ITPR1: variants seen among roughly 807,000 people sequenced by gnomAD.
The protein encoded by ITPR1 is inositol 1,4,5-trisphosphate receptor type 1, also known as inositol 1,4,5-trisphosphate-gated calcium channel ITPR1.
Under a neutral mutation model 318.4 loss-of-function variants are expected in ITPR1, and 96 were observed. That is an observed-to-expected ratio of 0.30 (90% CI 0.26 to 0.36). The LOEUF (loss-of-function observed/expected upper bound fraction) is 0.36, where lower values mean the gene tolerates loss of function less well. ITPR1 is among the 10% of genes least tolerant of loss of function. ITPR1 has a pLI of 1.00. For missense variants in ITPR1, 2,440 were observed against 3,460.2 expected (o/e 0.71, Z 7.40); for synonymous variants, 1,312 against 1,289.9 (o/e 1.02, Z -0.37).
At chr3:4,699,980 C>A (rs771029723) in intron 35 of ITPR1, 39 bp downstream of exon 35, 39 of 1,587,904 alleles carry the variant, frequency 2.5e-5, no homozygotes, top group Non-Finnish European at 3.0e-5. Flanking sequence ...GTTCACGATA[C>A]ACCTTCTGCA....
chr3:4,685,179 G>A lies in ITPR1; in HGVS notation c.3675G>A (p.Leu1225=), dbSNP rs1382715608. 6.2e-7 allele frequency: 1 copy of A among 1,605,548 alleles called. No individual in the cohort carries two copies. The highest frequency in any genetic ancestry group is 1.7e-5 in the Admixed American group (1 of 59,554). ...ACATGGGCGCGCACGCCGTGGTGCT[G>A]GAGCTGCTGCAGATTCCCTATGAGA... ...LRNMGAHAVV[L]ELLQIPYEKA... The change falls in exon 30 of 62, where the codon CTG becomes CTA. Residue 1225 remains leucine, a synonymous_variant. Transcript: ENST00000649015.
chr3:4,493,886 CT>C (rs71301158), intron 1 of ITPR1, among the ~76,000 whole-genome samples: 7,647 of 125,540 alleles, frequency 0.061, 552 homozygotes, highest in African/African-American at 0.21. Context: ...GGAAATAGTT[CT>C]TTTTTTTTTT....
chr3:4,794,089 G>C (rs1169115994), intron 52 of ITPR1, among the ~76,000 whole-genome samples: 1 of 152,316 alleles, frequency 6.6e-6, no homozygotes, highest in East Asian at 1.9e-4. Context: ...TCTGGAGGGG[G>C]ATGATGTGGA....
At chr3:4,688,149 G>T (rs2094425977) in intron 30 of ITPR1, among the ~76,000 whole-genome samples, 1 of 152,174 alleles carries the variant, frequency 6.6e-6, no homozygotes, top group Admixed American at 6.5e-5. Context: ...CACCCAAAGG[G>T]GTGGGATTAC....
chr3:4,815,068 G>C lies in ITPR1; in HGVS notation c.7717G>C (p.Ala2573Pro). The change falls in exon 59 of 62, where the codon GCT becomes CCT. Residue 2573 changes from alanine (A) to proline (P), a missense_variant. Physicochemically the swap from Ala to Pro is conservative, Grantham distance 27 (BLOSUM62 -1). Transcript: ENST00000649015. ...KPSKEEPLFA[A>P]RVIYDLLFFF... ...TCTTTTCCAGGAACCCCTGTTTGCT[G>C]CTAGAGTTATTTATGACCTCTTGTT... 2 of 1,612,652 alleles carry C rather than the reference G, an allele frequency of 1.2e-6. No individual in the cohort carries two copies. The highest frequency in any genetic ancestry group is 8.5e-7 in the Non-Finnish European group (1 of 1,179,024).
Position 4,710,540 on chromosome 3 carries a change from C to A in ITPR1, c.4991+67C>A. The stretch of plus-strand genomic sequence containing the variant: ...TTGATGACCTCACAAAGCTTTTGTT[C>A]CCGAAGAAGGAGACGTTGTCCTGTT... On this transcript the variant is annotated intron_variant, in intron 38 of 61. Transcript: ENST00000649015. This position sits in a 1 kb window ranked among gnomAD's most constrained non-coding sequence, Gnocchi z 4.2. The A allele has an allele frequency of 6.8e-7, 1 of 1,468,458 alleles. No homozygotes were observed. The highest frequency in any genetic ancestry group is 1.3e-5 in the South Asian group (1 of 78,782). 91.0% of individuals were successfully genotyped at this position (1,468,458 alleles called of 1,614,324 possible).
chr3:4,788,873 C>A lies in ITPR1; in HGVS notation c.6808+734C>A, dbSNP rs140960449. ...ACTTTTTTATTTGAAACACTGGATT[C>A]CAGCTATAGTTGTGACGTGTTGAGC... On this transcript the variant is annotated intron_variant, in intron 52 of 61. Coordinates refer to ENST00000649015, the MANE Select transcript of ITPR1 (RefSeq NM_001378452.1). Among the ~76,000 whole-genome samples, 357 of 152,302 alleles carry A rather than the reference C, an allele frequency of 2.3e-3. 1 individual carries two copies. The highest frequency in any genetic ancestry group is 7.9e-3 in the African/African-American group (328 of 41,566).
chr3:4,792,421 G>A (rs2047624579), intron 52 of ITPR1, among the ~76,000 whole-genome samples: 1 of 152,160 alleles, frequency 6.6e-6, no homozygotes, highest in African/African-American at 2.4e-5. Flanking sequence ...AACAATAAAT[G>A]TTTATTTCCT....
At chr3:4,697,315 GGTGTGTGT>G (rs35795762) in intron 34 of ITPR1, 43 bp downstream of exon 34, 923 of 864,114 alleles carry the variant, frequency 1.1e-3, no homozygotes, top group Admixed American at 1.4e-3. Flanking sequence ...GAGAGTGAGA[GGTGTGTGT>G]GTGTGTGTGT....
chr3:4,575,501 C>A (rs756644114), intron 4 of ITPR1, among the ~76,000 whole-genome samples: 2 of 152,128 alleles, frequency 1.3e-5, no homozygotes, highest in Non-Finnish European at 2.9e-5. Context: ...GATTGTCTCT[C>A]CAGACCTGTC....
At chr3:4,593,395 A>G (rs1369271259) in intron 4 of ITPR1, among the ~76,000 whole-genome samples, 6 of 152,234 alleles carry the variant, frequency 3.9e-5, no homozygotes, top group African/African-American at 1.4e-4. Flanking sequence ...TTCTATTTTC[A>G]AGAGGAAATA....
chr3:4,508,983 G>A (rs2081600390), intron 2 of ITPR1, among the ~76,000 whole-genome samples: 1 of 152,216 alleles, frequency 6.6e-6, no homozygotes, highest in Admixed American at 6.5e-5. Flanking sequence ...CATTCATCAA[G>A]TAGAGGAATC....
At chr3:4,717,799 T>C (rs1200422383) in intron 40 of ITPR1, among the ~76,000 whole-genome samples, 1 of 152,202 alleles carries the variant, frequency 6.6e-6, no homozygotes, top group Non-Finnish European at 1.5e-5. Context: ...TTGGTATAAT[T>C]TGAAAGTAGT....
chr3:4,708,369 G>A (rs1559742719), intron 37 of ITPR1, among the ~76,000 whole-genome samples: 3 of 152,174 alleles, frequency 2.0e-5, no homozygotes, highest in African/African-American at 7.2e-5. Context: ...CTGCTCTTAT[G>A]AGCAAAGGAA....
chr3:4,696,292 T>A (rs1396457155), intron 33 of ITPR1, among the ~76,000 whole-genome samples: 1 of 152,152 alleles, frequency 6.6e-6, no homozygotes, highest in Non-Finnish European at 1.5e-5. Context: ...ACCCCCCTAA[T>A]CCTAGGCAAC....
rs1296949650 is a variant in ITPR1, at chr3:4,768,454, G to C, written c.5726-57G>C. ...GGTTTCTGAGTGTCACCTTTGGAGT[G>C]GTGAATAGGGCCCATGAGGACTCTG... On this transcript the variant is annotated intron_variant, in intron 45 of 61. Coordinates refer to ENST00000649015, the MANE Select transcript of ITPR1 (RefSeq NM_001378452.1). 2.0e-6 allele frequency: 3 copies of C among 1,527,030 alleles called. No homozygotes were observed. In the African/African-American group the frequency reaches 4.2e-5, roughly 21 times the overall value. The allele number at this position is 1,527,030 out of a possible 1,614,324, so 94.6% of individuals were successfully genotyped here.
At chr3:4,626,438 T>C (rs1264433032) in intron 4 of ITPR1, among the ~76,000 whole-genome samples, 1 of 152,222 alleles carries the variant, frequency 6.6e-6, no homozygotes, top group African/African-American at 2.4e-5. Flanking sequence ...TTTTAATGTC[T>C]GGATGGCTTT....
chr3:4,704,816 T>C (rs1009881807), intron 36 of ITPR1, among the ~76,000 whole-genome samples: 2 of 151,094 alleles, frequency 1.3e-5, no homozygotes, highest in Admixed American at 6.6e-5. Flanking sequence ...TGGGGGTCGC[T>C]TCCTCATGAC....
intron 4 of ITPR1, among the ~76,000 whole-genome samples, chr3:4,564,109 T>G (rs866226689): frequency 6.6e-6 from 1 of 152,116 alleles, no homozygotes; most frequent in Non-Finnish European, 1.5e-5. Flanking sequence ...GCCCGGCTAA[T>G]TTTTGAATTT....
Sources: gnomAD v4.1 joint callset for allele counts (sites outside exome capture counted in the v4.1 genomes callset) on GRCh38, gnomAD v4.1.1 for gene constraint, Gnocchi (gnomAD v3.1) non-coding constraint, MANE v1.5 for transcripts, NCBI Gene and HGNC (gene_info 2026-07-23, HGNC 2026-07-21) for gene names.